AKAP9: variants seen among roughly 807,000 people sequenced by gnomAD.
The protein encoded by AKAP9 is A-kinase anchor protein 9.
In AKAP9, 311 loss-of-function variants were observed where a neutral mutation model predicts 488.5. That is an observed-to-expected ratio of 0.64 (90% CI 0.58 to 0.70). The LOEUF (loss-of-function observed/expected upper bound fraction) is 0.70. AKAP9 is among the 30% of genes least tolerant of loss of function. The pLI, the probability that AKAP9 is intolerant of heterozygous loss-of-function variation, is 0.00. For missense variants in AKAP9, 4,215 were observed against 4,374.5 expected, an observed-to-expected ratio of 0.96 and a Z score of 1.03; for synonymous variants, 1,462 against 1,483.5, an observed-to-expected ratio of 0.99 and a Z score of 0.33.
intron 22 of AKAP9, among the ~76,000 whole-genome samples, chr7:92,059,912 A>AT (rs1444831515): frequency 6.6e-6 from 1 of 151,922 alleles, no homozygotes; most frequent in African/African-American, 2.4e-5. Flanking sequence ...ACATATTATC[A>AT]TGGGTATTTT....
chr7:92,030,066 T>C, intron 15 of AKAP9, 75 bp downstream of exon 15: 1 of 1,038,578 alleles, frequency 9.6e-7, no homozygotes. Context: ...TCTGGTTTAC[T>C]ATCTAATAAA....
At chr7:91,989,842 A>G (rs1797551428) in intron 3 of AKAP9, among the ~76,000 whole-genome samples, 1 of 152,042 alleles carries the variant, frequency 6.6e-6, no homozygotes, top group South Asian at 2.1e-4. Flanking sequence ...TAAGGTATTA[A>G]TCATAAATAA....
intron 1 of AKAP9, among the ~76,000 whole-genome samples, chr7:91,941,357 T>A (rs1790733563): frequency 6.6e-6 from 1 of 152,186 alleles, no homozygotes; most frequent in East Asian, 1.9e-4. Flanking sequence ...TGATAATACT[T>A]CCGCGAGGAT....
At chr7:92,071,392 T>G (rs1811710750) in intron 28 of AKAP9, among the ~76,000 whole-genome samples, 1 of 151,768 alleles carries the variant, frequency 6.6e-6, no homozygotes, top group South Asian at 2.1e-4. Context: ...TGTGTGGTTT[T>G]TTTTTTTTTT....
At chr7:92,087,044 A>G (rs1399073375) in intron 37 of AKAP9, among the ~76,000 whole-genome samples, 1 of 152,232 alleles carries the variant, frequency 6.6e-6, no homozygotes, top group African/African-American at 2.4e-5. Context: ...CAAAAATTTG[A>G]AAAGTCACTA....
rs1298853987 is a variant in AKAP9, at chr7:92,017,013, C to T, written c.3752-4C>T. ...ATTATTGTAATTGTTTGTTTACCAT[C>T]CAGACTTTCAAGAAAATATGCACAC... On this transcript the variant is annotated splice_polypyrimidine_tract_variant and splice_region_variant and intron_variant, in intron 11 of 49. Coordinates refer to ENST00000356239, the MANE Select transcript of AKAP9 (RefSeq NM_005751.5). The T allele has an allele frequency of 1.3e-6, 2 of 1,550,814 alleles. No homozygotes were observed. Among genetic ancestry groups the T allele is most frequent in the Admixed American group, 3.4e-5 (2 of 58,368 alleles).
At chr7:92,108,993 G>A in intron 49 of AKAP9, 1 of 388,194 alleles carries the variant, frequency 2.6e-6, no homozygotes, top group Non-Finnish European at 4.9e-6. Flanking sequence ...GCAGAAAGTG[G>A]TAAGGCCGTG....
At chr7:92,057,895 T>A (rs1809067520) in intron 22 of AKAP9, 2 of 229,046 alleles carry the variant, frequency 8.7e-6, no homozygotes. Flanking sequence ...GTTTTTTGAT[T>A]TTTTTTGGTT....
chr7:91,969,414 C>T (rs923213685), intron 1 of AKAP9, among the ~76,000 whole-genome samples: 1 of 152,032 alleles, frequency 6.6e-6, no homozygotes, highest in African/African-American at 2.4e-5. Flanking sequence ...CTGTAGATGT[C>T]AGTTTGGCCT....
intron 6 of AKAP9, among the ~76,000 whole-genome samples, chr7:91,995,140 T>G (rs1462824759): frequency 6.6e-6 from 1 of 152,256 alleles, no homozygotes; most frequent in Non-Finnish European, 1.5e-5. Flanking sequence ...TATTCCATTT[T>G]CCTTTAATTA....
chr7:92,024,071 A>G (rs1487950831), intron 14 of AKAP9, among the ~76,000 whole-genome samples: 1 of 151,862 alleles, frequency 6.6e-6, no homozygotes, highest in Non-Finnish European at 1.5e-5. Context: ...AATATTGTCT[A>G]TTTATATGTA....
chr7:91,947,623 A>G (rs1791632161), intron 1 of AKAP9, among the ~76,000 whole-genome samples: 1 of 152,204 alleles, frequency 6.6e-6, no homozygotes, highest in African/African-American at 2.4e-5. Context: ...TACAGGCGTG[A>G]GCAACCGCGC....
At chr7:91,950,201 G>A (rs529902470) in intron 1 of AKAP9, among the ~76,000 whole-genome samples, 18 of 150,672 alleles carry the variant, frequency 1.2e-4, no homozygotes, top group African/African-American at 4.1e-4. Context: ...CTGTGGTTAG[G>A]CTGTATTTAT....
chr7:92,030,137 A>G, intron 15 of AKAP9, 146 bp downstream of exon 15: 1 of 630,086 alleles, frequency 1.6e-6, no homozygotes, highest in South Asian at 2.1e-5. Context: ...AAAACTCAGA[A>G]TACACATGTA....
intron 22 of AKAP9, among the ~76,000 whole-genome samples, chr7:92,054,559 G>T (rs1200867182): frequency 6.6e-6 from 1 of 152,024 alleles, no homozygotes; most frequent in African/African-American, 2.4e-5. Context: ...TGTTTAAGAT[G>T]AGTTATTCAC....
chr7:92,042,217 A>G (rs748598292), intron 19 of AKAP9, 31 bp downstream of exon 19: 14 of 1,613,202 alleles, frequency 8.7e-6, no homozygotes, highest in Non-Finnish European at 1.1e-5. Context: ...CCTAGGAGCA[A>G]TGGATCACCA....
intron 8 of AKAP9, among the ~76,000 whole-genome samples, chr7:92,005,679 T>C (rs1799738023): frequency 6.6e-6 from 1 of 152,158 alleles, no homozygotes; most frequent in Non-Finnish European, 1.5e-5. Context: ...TGTTTGTTTG[T>C]TTTTGAGACC....
At chr7:92,078,934 A>G in intron 30 of AKAP9, 145 bp from the exon 31 acceptor site, 1 of 560,556 alleles carries the variant, frequency 1.8e-6, no homozygotes, top group Non-Finnish European at 3.1e-6. Flanking sequence ...ATTGGTCTAT[A>G]ATGAAATTAA....
At position 92,079,079 on chromosome 7, in the gene AKAP9, GT is replaced by G; in HGVS notation, c.6948del (p.Ile2317LeufsTer7). ...QQLKITTDNK[V>X]IEEKNELIRD... ...TGTTACCTTTTTCATTAATTATTAGGTTATTGAAGAAAAAAATGAACTGATA... is the reference window on the plus strand; with the variant it reads ...TGTTACCTTTTTCATTAATTATTAGGTATTGAAGAAAAAAATGAACTGATA... On this transcript the variant is annotated frameshift_variant and splice_region_variant, in exon 31 of 50. Transcript: ENST00000356239. LOFTEE classifies it high-confidence loss of function. 2 of 1,587,532 alleles carry G rather than the reference GT, an allele frequency of 1.3e-6. No individual in the cohort carries two copies. The highest frequency in any genetic ancestry group is 1.7e-6 in the Non-Finnish European group (2 of 1,164,268).
Sources: allele counts gnomAD v4.1 joint callset (sites outside exome capture counted in the v4.1 genomes callset), GRCh38; gene constraint gnomAD v4.1.1; transcripts MANE v1.5; gene names NCBI Gene and HGNC (gene_info 2026-07-23, HGNC 2026-07-21).